The following EXOC5 variants were observed in gnomAD, a reference collection of about 807,000 sequenced individuals.
EXOC5 encodes the protein SEC10-like 1.
Under a neutral mutation model 90.8 loss-of-function variants are expected in EXOC5, and 17 were observed. The ratio of observed to expected loss-of-function variants is 0.19; its 90% CI spans 0.13 to 0.28. The LOEUF (loss-of-function observed/expected upper bound fraction) is 0.28, where lower values mean the gene tolerates loss of function less well. Among genes scored for constraint, EXOC5 ranks in the 10% least tolerant of loss-of-function variants. The pLI, the probability that EXOC5 is intolerant of heterozygous loss-of-function variation, is 1.00. For missense variants in EXOC5, 569 were observed against 830.6 expected, an observed-to-expected ratio of 0.69 and a Z score of 3.87; for synonymous variants, 260 against 270.0, an observed-to-expected ratio of 0.96 and a Z score of 0.36.
intron 15 of EXOC5, among the ~76,000 whole-genome samples, chr14:57,210,923 T>C (rs988379569): frequency 1.3e-5 from 2 of 152,298 alleles, no homozygotes; most frequent in Non-Finnish European, 2.9e-5. Context: ...GGTTACTCTA[T>C]CCTATATTTT....
chr14:57,228,970 C>G (rs1474427723), intron 12 of EXOC5, among the ~76,000 whole-genome samples: 2 of 151,636 alleles, frequency 1.3e-5, no homozygotes, highest in Admixed American at 6.6e-5. Context: ...TACTTTATCA[C>G]TCTGACTTAT....
Position 57,214,914 on chromosome 14 carries a change from C to G in EXOC5, c.1613+3068G>C, listed in dbSNP as rs182302156. On this transcript the variant is annotated intron_variant, in intron 15 of 17. Transcript: ENST00000621441. ...AAAATCCCAGGACCAGATGGCCTTA[C>G]TAGTGAATTCTACCCAACATGAAGA... 1.9e-3 allele frequency among the ~76,000 whole-genome samples: 286 copies of G among 152,232 alleles called. 2 individuals are homozygous for G. The highest frequency in any genetic ancestry group is 6.5e-3 in the African/African-American group (272 of 41,560).
intron 1 of EXOC5, among the ~76,000 whole-genome samples, chr14:57,256,538 G>A (rs953818950): frequency 6.6e-6 from 1 of 152,078 alleles, no homozygotes; most frequent in Non-Finnish European, 1.5e-5. Context: ...CAGAATGTCA[G>A]AAGAGCTGCT....
rs1882484779 is a variant in EXOC5 at position 57,201,072 on chromosome 14, C to T, written c.*7537G>A. 6.6e-6 allele frequency: 1 copy of T among 151,840 alleles called. No individual in the cohort carries two copies. The highest frequency in any genetic ancestry group is 2.4e-5 in the African/African-American group (1 of 41,306). The allele number at this position is 151,840 out of a possible 1,614,324, so 9.4% of individuals were successfully genotyped here. On this transcript the variant is annotated 3_prime_UTR_variant, in exon 18 of 18. Transcript: ENST00000621441. ...GTGTGTGTATGCACACATAAAGCCC[C>T]CTAGCATTATCTATTGAGAAAGAGT...
intron 12 of EXOC5, among the ~76,000 whole-genome samples, chr14:57,223,609 A>C (rs1207895732): frequency 6.6e-6 from 1 of 152,254 alleles, no homozygotes; most frequent in East Asian, 1.9e-4. Flanking sequence ...TTCACAAGCT[A>C]TTCTTACATT....
intron 12 of EXOC5, among the ~76,000 whole-genome samples, chr14:57,222,715 C>T (rs918170603): frequency 6.7e-6 from 1 of 148,916 alleles, no homozygotes; most frequent in Non-Finnish European, 1.5e-5. Context: ...TATATATATA[C>T]CCCCATATAT....
In EXOC5 at chr14:57,239,599, C is replaced by T. The variant is rs868330127; in HGVS notation, c.526G>A (p.Asp176Asn). 3.3e-6 allele frequency: 5 copies of T among 1,511,334 alleles called. No homozygotes were observed. Among genetic ancestry groups the T allele is most frequent in the Admixed American group, 4.0e-5 (2 of 49,446 alleles). The allele number at this position is 1,511,334 out of a possible 1,614,324, so 93.6% of individuals were successfully genotyped here. Reference protein sequence around the residue: ...LHLIAQELPFDRFSEVKSKIA... With the variant: ...LHLIAQELPFNRFSEVKSKIA... ...GCTCTTGAGAAATGAACTTGCCTAT[C>T]AAAAGGTAACTCTTGGGCAATTAGG... Residue 176 changes from aspartate (D) to asparagine (N), a missense_variant, in exon 5 of 18, where the codon GAT becomes AAT. By Grantham distance (23) the Asp-to-Asn change is conservative. Transcript: ENST00000621441.
intron 3 of EXOC5, 46 bp downstream of exon 3, chr14:57,246,665 A>G: frequency 6.7e-7 from 1 of 1,488,712 alleles, no homozygotes; most frequent in South Asian, 1.2e-5. Context: ...GAAAATAAAG[A>G]TATTATAGCC....
At chr14:57,209,818 G>A (rs1412650300) in intron 16 of EXOC5, 36 bp from the exon 17 acceptor site, 2 of 1,434,912 alleles carry the variant, frequency 1.4e-6, no homozygotes, top group Admixed American at 3.8e-5. Flanking sequence ...ACACAGGAAT[G>A]TATACCAGCT....
At chr14:57,222,768 T>C (rs911055606) in intron 12 of EXOC5, among the ~76,000 whole-genome samples, 1 of 150,402 alleles carries the variant, frequency 6.6e-6, no homozygotes, top group East Asian at 1.9e-4. Flanking sequence ...CACACATATA[T>C]ATATATATAT....
chr14:57,257,513 T>C (rs1884385354), intron 1 of EXOC5, among the ~76,000 whole-genome samples: 1 of 151,834 alleles, frequency 6.6e-6, no homozygotes, highest in South Asian at 2.1e-4. Context: ...AGGAAAACAA[T>C]CCAACAAAAG....
chr14:57,212,352 A>T (rs1882854261), intron 15 of EXOC5, among the ~76,000 whole-genome samples: 1 of 152,250 alleles, frequency 6.6e-6, no homozygotes. Context: ...TTGTAAAACC[A>T]ATCAGAAAAG....
chr14:57,220,226 A>G (rs1404390380), intron 13 of EXOC5, among the ~76,000 whole-genome samples: 1 of 151,916 alleles, frequency 6.6e-6, no homozygotes, highest in Non-Finnish European at 1.5e-5. Flanking sequence ...CCCGCAAGTA[A>G]AAGACAAGAT....
At chr14:57,218,427 G>C (rs1883032969) in intron 14 of EXOC5, among the ~76,000 whole-genome samples, 2 of 152,122 alleles carry the variant, frequency 1.3e-5, no homozygotes, top group South Asian at 4.1e-4. Flanking sequence ...ACCAAGAAAA[G>C]TTATAGACTA....
chr14:57,268,822 G>A lies in EXOC5; in HGVS notation c.-174C>T, dbSNP rs1884790978. 2.2e-6 allele frequency: 3 copies of A among 1,376,890 alleles called. No individual in the cohort carries two copies. Among genetic ancestry groups the A allele is most frequent in the Non-Finnish European group, 2.8e-6 (3 of 1,068,948 alleles). The allele number at this position is 1,376,890 out of a possible 1,614,324, so 85.3% of individuals were successfully genotyped here. A position where few individuals can be genotyped will look rare whatever the true frequency, so the allele number is the denominator to read the frequency against. ...AGGGGCGGGAGAGCGGCCATGAAGCGAAGCCGCAAACGCTTGTCAGCTGCC... is the reference window on the plus strand; with the variant it reads ...AGGGGCGGGAGAGCGGCCATGAAGCAAAGCCGCAAACGCTTGTCAGCTGCC... On this transcript the variant is annotated 5_prime_UTR_variant, in exon 1 of 18. Transcript: ENST00000621441.
chr14:57,259,665 C>G (rs1369186169), intron 1 of EXOC5, among the ~76,000 whole-genome samples: 1 of 152,200 alleles, frequency 6.6e-6, no homozygotes, highest in African/African-American at 2.4e-5. Context: ...TCCTTCCTTA[C>G]ATGGTCTCCA....
chr14:57,209,593 A>G lies in EXOC5; in HGVS notation c.1912T>C (p.Tyr638His). The G allele has an allele frequency of 1.2e-6, 2 of 1,612,768 alleles. No homozygotes were observed. The highest frequency in any genetic ancestry group is 1.7e-6 in the Non-Finnish European group (2 of 1,179,106). ...TTGAAGTCTTTGGCACACTTCCTAT[A>G]TTCGGCTACATCACAAATGGCCAAC... is the stretch of plus-strand genomic sequence containing the variant. ...GMLAICDVAE[Y>H]RKCAKDFKIP... The change falls in exon 17 of 18, where the codon TAT becomes CAT. Residue 638 changes from tyrosine (Y) to histidine (H), a missense_variant. By Grantham distance (83) the Tyr-to-His change is moderately conservative (BLOSUM62 2). Around this residue, in one of 9 missense-constraint regions of EXOC5, gnomAD observed 122 missense variants for 180.0 expected, o/e 0.68. Coordinates refer to ENST00000621441, the MANE Select transcript of EXOC5 (RefSeq NM_006544.4).
intron 13 of EXOC5, 124 bp from the exon 14 acceptor site, chr14:57,219,566 T>C: frequency 1.4e-6 from 1 of 721,484 alleles, no homozygotes; most frequent in Non-Finnish European, 2.3e-6. Context: ...TTTTAATACA[T>C]CAATAATGAC....
intron 15 of EXOC5, among the ~76,000 whole-genome samples, chr14:57,214,218 G>A (rs555638582): frequency 1.3e-5 from 2 of 152,070 alleles, no homozygotes; most frequent in Non-Finnish European, 2.9e-5. Context: ...CTTGTTGTAG[G>A]GGGGGATTTG....
Sources: gnomAD v4.1 joint callset for allele counts (sites outside exome capture counted in the v4.1 genomes callset) on GRCh38, gnomAD v4.1.1 for gene constraint, gnomAD v4.1.1 regional missense constraint, MANE v1.5 for transcripts, NCBI Gene and HGNC (gene_info 2026-07-23, HGNC 2026-07-21) for gene names.